Variants in NTMT2 observed in about 807,000 individuals in gnomAD.
NTMT2 encodes N-terminal Xaa-Pro-Lys N-methyltransferase 2.
In NTMT2, 21 loss-of-function variants were observed where a neutral mutation model predicts 23.4. That is an observed-to-expected ratio of 0.90 (90% CI 0.64 to 1.29). The LOEUF is 1.29. Ranked by LOEUF, NTMT2 falls within the 50% of genes most tolerant of loss-of-function variation. The pLI is 0.00. For synonymous variants in NTMT2, 131 were observed against 127.7 expected (o/e 1.03, Z -0.17); for missense variants, 336 against 352.0 (o/e 0.95, Z 0.36).
Position 170,167,797 on chromosome 1 carries a change from C to T in NTMT2, c.*40C>T, listed in dbSNP as rs1286639586. The T allele has an allele frequency of 2.6e-6, 4 of 1,513,042 alleles. No individual in the cohort carries two copies. Among genetic ancestry groups the T allele is most frequent in the Non-Finnish European group, 3.6e-6 (4 of 1,126,072 alleles). The allele number at this position is 1,513,042 out of a possible 1,614,324, so 93.7% of individuals were successfully genotyped here. A position where few individuals can be genotyped will look rare whatever the true frequency, so the allele number is the denominator to read the frequency against. ...TGAACGACTGGACTGGGCAGTGGTGCTTTGGGATGGGGTTGCTATCCTTCC... is the reference window on the plus strand; with the variant it reads ...TGAACGACTGGACTGGGCAGTGGTGTTTTGGGATGGGGTTGCTATCCTTCC... On this transcript the variant is annotated 3_prime_UTR_variant, in exon 4 of 4. Transcript: ENST00000439373.
intron 1 of NTMT2, among the ~76,000 whole-genome samples, chr1:170,159,185 AGT>A (rs1320169067): frequency 6.6e-6 from 1 of 152,190 alleles, no homozygotes; most frequent in East Asian, 1.9e-4. Flanking sequence ...GATTCTGATG[AGT>A]GGGAGTAAGT....
intron 1 of NTMT2, 84 bp from the exon 2 acceptor site, chr1:170,160,434 C>A: frequency 8.2e-7 from 1 of 1,217,120 alleles, no homozygotes. Context: ...GATTCACAGG[C>A]TTTTAAAAGG....
In NTMT2 at chr1:170,167,453, CCT is replaced by C; in HGVS notation, c.581-32_581-31del. 3.3e-6 allele frequency: 5 copies of C among 1,511,360 alleles called. No individual in the cohort carries two copies. In the South Asian group the frequency reaches 6.5e-5, roughly 20 times the overall value. The allele number at this position is 1,511,360 out of a possible 1,614,324, so 93.6% of individuals were successfully genotyped here. ...CCTTCCATCCTCCCCACCATTTCTT[CCT>C]GTTCCCCCATCCACTTGGTCTCCCT... On this transcript the variant is annotated intron_variant, in intron 3 of 3. Transcript: ENST00000439373.
At chr1:170,155,823 G>A (rs1227861104) in intron 1 of NTMT2, among the ~76,000 whole-genome samples, 2 of 151,868 alleles carry the variant, frequency 1.3e-5, no homozygotes, top group South Asian at 2.1e-4. Context: ...ATATTGTCTC[G>A]ACTTGTTGTC....
chr1:170,166,383 C>T (rs543760912), intron 2 of NTMT2, 119 bp from the exon 3 acceptor site: 82 of 1,016,456 alleles, frequency 8.1e-5, no homozygotes, highest in African/African-American at 3.4e-4. Flanking sequence ...CCTCGTGATC[C>T]GCCCGCCTCG....
intron 1 of NTMT2, among the ~76,000 whole-genome samples, chr1:170,151,025 G>C (rs937657975): frequency 1.3e-5 from 2 of 152,096 alleles, no homozygotes; most frequent in Non-Finnish European, 2.9e-5. Context: ...ATATTATTGA[G>C]CAAAAGTCTA....
chr1:170,164,778 A>G (rs910385283), intron 2 of NTMT2, among the ~76,000 whole-genome samples: 10 of 152,228 alleles, frequency 6.6e-5, no homozygotes, highest in African/African-American at 2.2e-4. Context: ...TCAAATTCTA[A>G]TTCTGCCATT....
At chr1:170,158,331 G>A (rs1219301462) in intron 1 of NTMT2, among the ~76,000 whole-genome samples, 1 of 151,922 alleles carries the variant, frequency 6.6e-6, no homozygotes, top group Non-Finnish European at 1.5e-5. Flanking sequence ...AATTTTTAGT[G>A]TAAGTATTTA....
At chr1:170,155,526 C>CT (rs974066944) in intron 1 of NTMT2, among the ~76,000 whole-genome samples, 17 of 150,852 alleles carry the variant, frequency 1.1e-4, no homozygotes, top group East Asian at 3.9e-4. Context: ...CCTAATTGGG[C>CT]TTTTTTTTTC....
intron 1 of NTMT2, among the ~76,000 whole-genome samples, chr1:170,154,003 C>T (rs755558816): frequency 7.2e-5 from 11 of 152,156 alleles, no homozygotes; most frequent in Non-Finnish European, 1.5e-4. Flanking sequence ...GCCCAGGGCC[C>T]TGCTACCCTG....
chr1:170,156,908 C>A (rs1274319182), intron 1 of NTMT2, among the ~76,000 whole-genome samples: 1 of 152,084 alleles, frequency 6.6e-6, no homozygotes, highest in Non-Finnish European at 1.5e-5. Flanking sequence ...TAATAGACTG[C>A]ACAAACCAGT....
At chr1:170,159,075 A>G (rs1459314290) in intron 1 of NTMT2, among the ~76,000 whole-genome samples, 1 of 152,150 alleles carries the variant, frequency 6.6e-6, no homozygotes, top group Non-Finnish European at 1.5e-5. Context: ...AAAACAAGGT[A>G]AATAATTCTA....
At chr1:170,157,582 C>T (rs7354853) in intron 1 of NTMT2, among the ~76,000 whole-genome samples, 12,116 of 152,070 alleles carry the variant, frequency 0.08, 532 homozygotes, top group Middle Eastern at 0.13. Flanking sequence ...ATTTTTAACT[C>T]TCAGAATCAA....
chr1:170,157,741 C>A (rs1191820169), intron 1 of NTMT2, among the ~76,000 whole-genome samples: 1 of 152,058 alleles, frequency 6.6e-6, no homozygotes, highest in Non-Finnish European at 1.5e-5. Context: ...TTTTGGCTTG[C>A]TTCATGCCCT....
chr1:170,165,359 A>T (rs1673359175), intron 2 of NTMT2, among the ~76,000 whole-genome samples: 1 of 152,204 alleles, frequency 6.6e-6, no homozygotes. Context: ...TACTTAAAAA[A>T]ACAGTTTTAG....
chr1:170,161,551 A>G (rs1238985688), intron 2 of NTMT2: 1 of 152,118 alleles, frequency 6.6e-6, no homozygotes, highest in African/African-American at 2.4e-5. Flanking sequence ...TGTATAAGCA[A>G]CTTTGAGCTT....
chr1:170,150,565 T>C (rs1465948495), intron 1 of NTMT2, among the ~76,000 whole-genome samples: 1 of 152,204 alleles, frequency 6.6e-6, no homozygotes, highest in Non-Finnish European at 1.5e-5. Context: ...AACTCCATGA[T>C]CTTTTTTAAA....
At position 170,167,701 on chromosome 1, in the gene NTMT2, C is replaced by T. The variant is rs1237407069; in HGVS notation, c.796C>T (p.Pro266Ser). Residue 266 changes from proline to serine, a missense_variant, in exon 4 of 4, where the codon CCA becomes TCA. Pro to Ser is a moderately conservative substitution (Grantham distance 74, BLOSUM62 -1). Transcript: ENST00000439373. Reference sequence around the variant, plus strand: ...GGGCCAGGAGAAGCAGGATGGCTTCCCAGAGCAGTGCATCCCCGTGTGGAT... The same window carrying T: ...GGGCCAGGAGAAGCAGGATGGCTTCTCAGAGCAGTGCATCCCCGTGTGGAT... The part of the protein sequence containing the change: ...VLGQEKQDGF[P>S]EQCIPVWMFA... 3.9e-6 allele frequency: 6 copies of T among 1,551,342 alleles called. No homozygotes were observed. Among genetic ancestry groups the T allele is most frequent in the South Asian group, 1.2e-5 (1 of 84,050 alleles).
At chr1:170,147,149 T>G (rs1672979012) in intron 1 of NTMT2, among the ~76,000 whole-genome samples, 1 of 152,226 alleles carries the variant, frequency 6.6e-6, no homozygotes, top group Non-Finnish European at 1.5e-5. Flanking sequence ...TTCTTTGTAT[T>G]GCATTCAAGC....
Sources: gnomAD v4.1 joint callset for allele counts (sites outside exome capture counted in the v4.1 genomes callset) on GRCh38, gnomAD v4.1.1 for gene constraint, MANE v1.5 for transcripts, NCBI Gene and HGNC (gene_info 2026-07-23, HGNC 2026-07-21) for gene names.